PTPRK: variants seen among roughly 807,000 people sequenced by gnomAD.
PTPRK encodes the protein protein tyrosine phosphatase receptor type K, also known as receptor-type tyrosine-protein phosphatase kappa.
In PTPRK, 75 loss-of-function variants were observed where a neutral mutation model predicts 178.0. The observed-to-expected ratio is 0.42, with a 90% CI of 0.35 to 0.51. The LOEUF (loss-of-function observed/expected upper bound fraction) is 0.51. PTPRK is among the 20% of genes least tolerant of loss of function. The pLI, the probability that PTPRK is intolerant of heterozygous loss-of-function variation, is 0.02. For missense variants in PTPRK, 1,441 were observed against 1,797.8 expected (o/e 0.80, Z 3.59); for synonymous variants, 637 against 620.6 (o/e 1.03, Z -0.39).
At chr6:128,303,299 T>C (rs559081181) in intron 3 of PTPRK, among the ~76,000 whole-genome samples, 1 of 152,288 alleles carries the variant, frequency 6.6e-6, no homozygotes, top group South Asian at 2.1e-4. Flanking sequence ...CCTTTTTTGT[T>C]CCACTAAACT....
At chr6:128,415,646 A>T (rs1317340260) in intron 1 of PTPRK, among the ~76,000 whole-genome samples, 2 of 152,318 alleles carry the variant, frequency 1.3e-5, no homozygotes. Context: ...ATCTGAATCC[A>T]AGAGGCAGCA....
chr6:128,430,784 C>CTACT (rs1015896300), intron 1 of PTPRK, among the ~76,000 whole-genome samples: 2 of 152,100 alleles, frequency 1.3e-5, no homozygotes, highest in Non-Finnish European at 2.9e-5. Flanking sequence ...ATTAGGAAGT[C>CTACT]TACTGTGTGC....
chr6:128,055,353 TG>T (rs1779715340), intron 13 of PTPRK, among the ~76,000 whole-genome samples: 1 of 152,186 alleles, frequency 6.6e-6, no homozygotes, highest in Non-Finnish European at 1.5e-5. Context: ...ATAAATGAAC[TG>T]GCCCTGTGAT....
chr6:128,193,411 AT>A (rs1397798899), intron 6 of PTPRK, among the ~76,000 whole-genome samples: 5 of 151,676 alleles, frequency 3.3e-5, no homozygotes, highest in Admixed American at 1.3e-4. Flanking sequence ...CGATTTATAT[AT>A]TTTAAAACTA....
At chr6:127,984,324 T>C (rs1003917198) in intron 22 of PTPRK, among the ~76,000 whole-genome samples, 11 of 152,218 alleles carry the variant, frequency 7.2e-5, no homozygotes, top group African/African-American at 2.7e-4. Flanking sequence ...AACACTAAAA[T>C]GTATTCCTCT....
intron 2 of PTPRK, among the ~76,000 whole-genome samples, chr6:128,332,813 T>C (rs1228706184): frequency 6.6e-6 from 1 of 152,162 alleles, no homozygotes; most frequent in African/African-American, 2.4e-5. Context: ...CACTCTTTCT[T>C]TGAAATCTGA....
chr6:128,261,983 T>C (rs2128293671), intron 3 of PTPRK, among the ~76,000 whole-genome samples: 1 of 152,302 alleles, frequency 6.6e-6, no homozygotes, highest in East Asian at 1.9e-4. Context: ...ATGACATGAT[T>C]ATGCCTAGAA....
intron 2 of PTPRK, among the ~76,000 whole-genome samples, chr6:128,375,381 A>G (rs889237522): frequency 1.5e-4 from 22 of 151,710 alleles, no homozygotes; most frequent in Admixed American, 1.1e-3. Context: ...AGGCAAAGAG[A>G]GCTTGTGCAG....
intron 1 of PTPRK, among the ~76,000 whole-genome samples, chr6:128,399,758 A>G (rs1428120901): frequency 6.6e-6 from 1 of 152,170 alleles, no homozygotes; most frequent in Admixed American, 6.5e-5. Context: ...GCTCTCCTTC[A>G]TAGCCACTGT....
chr6:128,520,287 C>CAGGAGAGGCCA lies in PTPRK; in HGVS notation c.61_71dup (p.Ser26LeufsTer57). 1 of 1,607,150 alleles carries CAGGAGAGGCCA rather than the reference C, an allele frequency of 6.2e-7. No individual in the cohort carries two copies. The highest frequency in any genetic ancestry group is 8.5e-7 in the Non-Finnish European group (1 of 1,176,740). On this transcript the variant is annotated frameshift_variant, in exon 1 of 30. Coordinates refer to ENST00000368226, the MANE Select transcript of PTPRK (RefSeq NM_002844.4). LOFTEE classifies it high-confidence loss of function. ...CGGAGAACTGGCCTTGGGCCGATCC[C>CAGGAGAGGCCA]AGGAGAGGCCAAGGAGAGAGGAGCA... is the stretch of plus-strand genomic sequence containing the variant.
chr6:128,256,657 C>G (rs188491952), intron 3 of PTPRK, among the ~76,000 whole-genome samples: 1 of 151,582 alleles, frequency 6.6e-6, no homozygotes, highest in Non-Finnish European at 1.5e-5. Flanking sequence ...AGGATGGTCT[C>G]GATCTCCTGA....
At chr6:128,132,616 C>T (rs1471949507) in intron 7 of PTPRK, among the ~76,000 whole-genome samples, 1 of 152,206 alleles carries the variant, frequency 6.6e-6, no homozygotes, top group Admixed American at 6.5e-5. Context: ...ACGCTGATGA[C>T]ACCACTACTA....
intron 27 of PTPRK, among the ~76,000 whole-genome samples, chr6:127,974,345 C>T (rs1774268616): frequency 6.6e-6 from 1 of 152,198 alleles, no homozygotes; most frequent in African/African-American, 2.4e-5. Flanking sequence ...TGGCTCCACC[C>T]CCTTCTTCAA....
At chr6:128,045,584 C>T (rs1216495281) in intron 13 of PTPRK, among the ~76,000 whole-genome samples, 1 of 151,874 alleles carries the variant, frequency 6.6e-6, no homozygotes, top group Admixed American at 6.6e-5. Context: ...ATGACCACTC[C>T]ACATTGTTTC....
At chr6:128,082,017 AG>A (rs1163524599) in intron 10 of PTPRK, among the ~76,000 whole-genome samples, 3 of 152,082 alleles carry the variant, frequency 2.0e-5, no homozygotes, top group Admixed American at 6.6e-5. Flanking sequence ...TCATAATGTC[AG>A]GGAAAATGAA....
intron 3 of PTPRK, among the ~76,000 whole-genome samples, chr6:128,251,057 T>G (rs116813072): frequency 6.3e-4 from 96 of 152,272 alleles, no homozygotes; most frequent in African/African-American, 2.2e-3. Flanking sequence ...GAGTCTAAAG[T>G]GTGAAAAGGC....
At chr6:128,135,167 A>G (rs1794846070) in intron 7 of PTPRK, among the ~76,000 whole-genome samples, 1 of 151,836 alleles carries the variant, frequency 6.6e-6, no homozygotes, top group Admixed American at 6.6e-5. Context: ...ATATCACCAC[A>G]TTTTGTTTTC....
At chr6:128,337,448 T>G (rs1306039722) in intron 2 of PTPRK, among the ~76,000 whole-genome samples, 6 of 152,138 alleles carry the variant, frequency 3.9e-5, no homozygotes, top group Non-Finnish European at 8.8e-5. Context: ...CAGGAAAACG[T>G]GAAGTGGAGA....
chr6:127,982,320 T>A (rs1430842748), intron 24 of PTPRK, among the ~76,000 whole-genome samples: 1 of 152,200 alleles, frequency 6.6e-6, no homozygotes, highest in Non-Finnish European at 1.5e-5. Flanking sequence ...TTGCCCATGC[T>A]GGAGTGCAGT....
Sources: allele counts gnomAD v4.1 joint callset (sites outside exome capture counted in the v4.1 genomes callset), GRCh38; gene constraint gnomAD v4.1.1; transcripts MANE v1.5; gene names NCBI Gene and HGNC (gene_info 2026-07-23, HGNC 2026-07-21).